SKIC3: variants seen among roughly 807,000 people sequenced by gnomAD.
SKIC3 encodes the protein SKI3 subunit of superkiller complex.
the SKIC3 span, among the ~76,000 whole-genome samples, chr5:95,501,677 G>T: frequency 2.6e-5 from 4 of 151,786 alleles, no homozygotes; most frequent in African/African-American, 9.7e-5. Context: ...TCACATAGGA[G>T]AAGGGGAAAA....
chr5:95,522,809 C>T, the SKIC3 span, among the ~76,000 whole-genome samples: 1 of 152,170 alleles, frequency 6.6e-6, no homozygotes, highest in Non-Finnish European at 1.5e-5. Context: ...CATTTAAGTA[C>T]TGTTCAAATC....
At chr5:95,504,669 T>C in the SKIC3 span, among the ~76,000 whole-genome samples, 1 of 151,992 alleles carries the variant, frequency 6.6e-6, no homozygotes, top group Non-Finnish European at 1.5e-5. Context: ...ACAGATACAC[T>C]AAAATTCCAC....
At chr5:95,547,862 A>C in the SKIC3 span, among the ~76,000 whole-genome samples, 1 of 152,232 alleles carries the variant, frequency 6.6e-6, no homozygotes, top group Non-Finnish European at 1.5e-5. Context: ...GTGAAACATA[A>C]ATCAAGATAT....
the SKIC3 span, among the ~76,000 whole-genome samples, chr5:95,540,363 G>A: frequency 1.3e-5 from 2 of 151,990 alleles, no homozygotes; most frequent in South Asian, 2.1e-4. Flanking sequence ...TACACTACTC[G>A]GGTGATGGGT....
the SKIC3 span, among the ~76,000 whole-genome samples, chr5:95,528,481 A>G: frequency 9.2e-5 from 14 of 152,334 alleles, no homozygotes; most frequent in Non-Finnish European, 1.6e-4. Context: ...TAACAAATAT[A>G]AGAAATTAAG....
the SKIC3 span, among the ~76,000 whole-genome samples, chr5:95,496,142 C>T: frequency 2.0e-5 from 3 of 151,902 alleles, no homozygotes; most frequent in African/African-American, 7.3e-5. Context: ...CTCAGCCTCC[C>T]GAGTAGCTGG....
chr5:95,478,243 G>C, the SKIC3 span: 2 of 1,606,324 alleles, frequency 1.2e-6, no homozygotes, highest in South Asian at 2.2e-5. Flanking sequence ...GTCAAAGAAA[G>C]ATAAAAAAAT....
chr5:95,522,689 T>C, the SKIC3 span, among the ~76,000 whole-genome samples: 1 of 152,106 alleles, frequency 6.6e-6, no homozygotes, highest in Non-Finnish European at 1.5e-5. Flanking sequence ...ATGGAAACAA[T>C]AGGCATGCTT....
At chr5:95,496,457 C>CTAAG in the SKIC3 span, among the ~76,000 whole-genome samples, 3 of 152,074 alleles carry the variant, frequency 2.0e-5, no homozygotes, top group Non-Finnish European at 4.4e-5. Flanking sequence ...AGGCCACACC[C>CTAAG]TAAGGTTCAA....
the SKIC3 span, among the ~76,000 whole-genome samples, chr5:95,470,079 G>A: frequency 6.6e-6 from 1 of 150,548 alleles, no homozygotes; most frequent in South Asian, 2.1e-4. Flanking sequence ...CCAGGTTCCC[G>A]CCATTCTCCT....
the SKIC3 span, among the ~76,000 whole-genome samples, chr5:95,549,508 C>T: frequency 3.9e-5 from 6 of 151,932 alleles, no homozygotes; most frequent in Non-Finnish European, 7.4e-5. Flanking sequence ...ATTAAATGTC[C>T]TTCAGTATCT....
the SKIC3 span, among the ~76,000 whole-genome samples, chr5:95,545,022 C>G: frequency 6.6e-6 from 1 of 152,154 alleles, no homozygotes; most frequent in Non-Finnish European, 1.5e-5. Flanking sequence ...CATTAGTAAT[C>G]AGGCATTTAT....
At chr5:95,524,980 T>A in the SKIC3 span, among the ~76,000 whole-genome samples, 1 of 151,950 alleles carries the variant, frequency 6.6e-6, no homozygotes, top group African/African-American at 2.4e-5. Context: ...ACCCCCCAGG[T>A]TCAAGCAATT....
At chr5:95,528,123 A>G in the SKIC3 span, 2 of 1,613,862 alleles carry the variant, frequency 1.2e-6, no homozygotes, top group Non-Finnish European at 1.7e-6. Flanking sequence ...CTGTTACCAG[A>G]CGCACCAAGA....
chr5:95,524,528 T>C, the SKIC3 span: 1 of 1,613,864 alleles, frequency 6.2e-7, no homozygotes, highest in Admixed American at 1.7e-5. Context: ...TGAACCAGTA[T>C]GTTAATCCAA....
chr5:95,474,469 AACATTTCT>A, the SKIC3 span, among the ~76,000 whole-genome samples: 2 of 152,218 alleles, frequency 1.3e-5, no homozygotes, highest in African/African-American at 4.8e-5. Context: ...TCTAGCTCGT[AACATTTCT>A]GCAGAGGTCT....
the SKIC3 span, among the ~76,000 whole-genome samples, chr5:95,543,945 G>A: frequency 6.6e-6 from 1 of 152,178 alleles, no homozygotes; most frequent in African/African-American, 2.4e-5. Flanking sequence ...ACAGCTTGAA[G>A]CAGTTAGCAA....
chr5:95,525,420 C>T, the SKIC3 span: 2 of 1,613,870 alleles, frequency 1.2e-6, no homozygotes, highest in Non-Finnish European at 1.7e-6. Context: ...TGTAGATAGT[C>T]CTTTTTGGTG....
chr5:95,516,325 A>AAAACAAAG, the SKIC3 span: 1 of 1,611,506 alleles, frequency 6.2e-7, no homozygotes, highest in Non-Finnish European at 8.5e-7. Context: ...TCTTTGTTTT[A>AAAACAAAG]AATATGACAG....
Sources: allele counts gnomAD v4.1 joint callset (sites outside exome capture counted in the v4.1 genomes callset), GRCh38; gene constraint gnomAD v4.1.1; transcripts MANE v1.5; gene names NCBI Gene and HGNC (gene_info 2026-07-23, HGNC 2026-07-21).